C2CD3: variants seen among roughly 807,000 people sequenced by gnomAD.
C2CD3 encodes C2 domain-containing protein 3.
Under a neutral mutation model 234.0 loss-of-function variants are expected in C2CD3, and 148 were observed. The ratio of observed to expected loss-of-function variants is 0.63; its 90% CI spans 0.55 to 0.72. The LOEUF is 0.72. Among genes scored for constraint, C2CD3 ranks in the 30% least tolerant of loss-of-function variants. C2CD3 has a pLI of 0.00. For synonymous variants in C2CD3, 1,000 were observed against 1,035.4 expected, an observed-to-expected ratio of 0.97 and a Z score of 0.66; for missense variants, 2,577 against 2,811.5, an observed-to-expected ratio of 0.92 and a Z score of 1.89.
intron 16 of C2CD3, among the ~76,000 whole-genome samples, chr11:74,097,321 A>G (rs914790621): frequency 1.3e-5 from 2 of 152,196 alleles, no homozygotes; most frequent in Non-Finnish European, 2.9e-5. Context: ...AATGGTATGG[A>G]TACTGAGATT....
chr11:74,148,537 T>C (rs924332012), intron 3 of C2CD3, among the ~76,000 whole-genome samples: 1 of 152,110 alleles, frequency 6.6e-6, no homozygotes, highest in African/African-American at 2.4e-5. Context: ...TTTTCAAAAG[T>C]CTGAATATAT....
intron 5 of C2CD3, among the ~76,000 whole-genome samples, chr11:74,134,239 GT>G (rs1957783240): frequency 6.6e-6 from 1 of 152,208 alleles, no homozygotes; most frequent in Admixed American, 6.5e-5. Flanking sequence ...ACTTGACCAA[GT>G]TGTACACGCA....
At chr11:74,168,290 T>C (rs1565365575) in intron 2 of C2CD3, 54 bp downstream of exon 2, 3 of 1,441,162 alleles carry the variant, frequency 2.1e-6, no homozygotes, top group East Asian at 2.3e-5. Flanking sequence ...GCTGACAATA[T>C]AACCACATGC....
chr11:74,116,277 A>G (rs1295429366), intron 9 of C2CD3, among the ~76,000 whole-genome samples: 1 of 152,192 alleles, frequency 6.6e-6, no homozygotes, highest in African/African-American at 2.4e-5. Flanking sequence ...CAAATTAGCA[A>G]GAAAAAATCA....
At chr11:74,032,469 A>G (rs948406702) in intron 31 of C2CD3, among the ~76,000 whole-genome samples, 2 of 149,118 alleles carry the variant, frequency 1.3e-5, no homozygotes, top group Non-Finnish European at 1.5e-5. Flanking sequence ...AAAAGGAAGG[A>G]GTGGGGAATG....
At chr11:74,148,967 G>A (rs766614866) in intron 3 of C2CD3, among the ~76,000 whole-genome samples, 11 of 152,020 alleles carry the variant, frequency 7.2e-5, no homozygotes, top group South Asian at 2.1e-4. Context: ...CAAACAGTTC[G>A]ATAATTTTGT....
intron 29 of C2CD3, among the ~76,000 whole-genome samples, chr11:74,040,987 C>T (rs1397148482): frequency 1.1e-4 from 15 of 141,262 alleles, no homozygotes. Flanking sequence ...TTTTTTGGTG[C>T]TATAACAGAT....
chr11:74,036,585 G>A (rs1952754177), intron 30 of C2CD3: 1 of 445,304 alleles, frequency 2.2e-6, no homozygotes, highest in African/African-American at 2.0e-5. Context: ...TCCCTGTGTA[G>A]AATCTACACA....
intron 5 of C2CD3, among the ~76,000 whole-genome samples, chr11:74,134,886 G>A (rs1957807599): frequency 6.6e-6 from 1 of 151,960 alleles, no homozygotes; most frequent in Non-Finnish European, 1.5e-5. Flanking sequence ...CACCATGCCT[G>A]GCTTATTTTT....
chr11:74,051,257 T>C (rs935194593), intron 26 of C2CD3, among the ~76,000 whole-genome samples: 2 of 150,672 alleles, frequency 1.3e-5, no homozygotes, highest in East Asian at 3.9e-4. Context: ...ATCCTACCAC[T>C]GCACTCCGGC....
rs1957259260 is a variant in C2CD3 at position 74,122,731 on chromosome 11, A to G, written c.1365+257T>C. ...CCATAAAATATATTAATTAAACCAT[A>G]GGCTTTGGACTCAGGCAAATGTGAA... On this transcript the variant is annotated intron_variant, in intron 8 of 32. Transcript: ENST00000334126. 1.3e-5 allele frequency among the ~76,000 whole-genome samples: 2 copies of G among 152,232 alleles called. 1 individual carries two copies. The highest frequency in any genetic ancestry group is 4.1e-4 in the South Asian group (2 of 4,838).
rs1418188121 is a variant in C2CD3, at chr11:74,090,938, T to A, written c.3518-2A>T. On this transcript the variant is annotated splice_acceptor_variant, in intron 19 of 32. Coordinates refer to ENST00000334126, the MANE Select transcript of C2CD3 (RefSeq NM_001286577.2). LOFTEE classifies it high-confidence loss of function. Reference sequence around the variant, plus strand: ...ACCTTAGGCCCACATCCAGTAAACCTGAAGAATGAGGACACAAGGAAAGAA... The same window carrying A: ...ACCTTAGGCCCACATCCAGTAAACCAGAAGAATGAGGACACAAGGAAAGAA... The A allele has an allele frequency of 6.2e-7, 1 of 1,613,350 alleles. No individual in the cohort carries two copies. Among genetic ancestry groups the A allele is most frequent in the African/African-American group, 1.3e-5 (1 of 74,884 alleles).
chr11:74,026,468 G>A (rs1469944023), intron 32 of C2CD3, among the ~76,000 whole-genome samples: 1 of 152,184 alleles, frequency 6.6e-6, no homozygotes, highest in East Asian at 1.9e-4. Context: ...CTTTAGGATT[G>A]TATCCCAGGA....
chr11:74,064,125 C>G (rs1446404736), intron 24 of C2CD3, among the ~76,000 whole-genome samples: 1 of 151,690 alleles, frequency 6.6e-6, no homozygotes, highest in East Asian at 1.9e-4. Context: ...TCAATTCCCA[C>G]CTATAAGTGA....
At chr11:74,016,165 G>T (rs1951873836) in intron 32 of C2CD3, among the ~76,000 whole-genome samples, 2 of 152,222 alleles carry the variant, frequency 1.3e-5, no homozygotes, top group Non-Finnish European at 2.9e-5. Flanking sequence ...ACAACAGGCA[G>T]ACGTGGTTCC....
Position 74,037,701 on chromosome 11 carries a change from A to G in C2CD3, c.5661-3T>C. On this transcript the variant is annotated splice_region_variant and splice_polypyrimidine_tract_variant and intron_variant, in intron 29 of 32. Coordinates refer to ENST00000334126, the MANE Select transcript of C2CD3 (RefSeq NM_001286577.2). Reference sequence around the variant, plus strand: ...GATCAAGCTCACTCAGATTCTTCCTATAAACAAAAGGGGGAGAAGAAGACA... The same window carrying G: ...GATCAAGCTCACTCAGATTCTTCCTGTAAACAAAAGGGGGAGAAGAAGACA... 6.2e-7 allele frequency: 1 copy of G among 1,609,608 alleles called. No homozygotes were observed. Among genetic ancestry groups the G allele is most frequent in the Non-Finnish European group, 8.5e-7 (1 of 1,176,824 alleles).
At chr11:74,124,547 A>T (rs1322700684) in intron 7 of C2CD3, among the ~76,000 whole-genome samples, 1 of 152,022 alleles carries the variant, frequency 6.6e-6, no homozygotes, top group Non-Finnish European at 1.5e-5. Context: ...GACACTGTAA[A>T]TGTCTCATGG....
chr11:74,154,533 A>G (rs901118296), intron 3 of C2CD3, among the ~76,000 whole-genome samples: 2 of 152,224 alleles, frequency 1.3e-5, no homozygotes, highest in Non-Finnish European at 2.9e-5. Context: ...ACTAAAAAAG[A>G]TAAGCTTATT....
At chr11:74,106,602 A>G (rs1033081828) in intron 12 of C2CD3, 109 bp from the exon 13 acceptor site, 1 of 1,046,250 alleles carries the variant, frequency 9.6e-7, no homozygotes, top group Non-Finnish European at 1.4e-6. Flanking sequence ...TTCAGGAAGA[A>G]AAAAGCTTAA....
Sources: allele counts gnomAD v4.1 joint callset (sites outside exome capture counted in the v4.1 genomes callset), GRCh38; gene constraint gnomAD v4.1.1; transcripts MANE v1.5; gene names NCBI Gene and HGNC (gene_info 2026-07-23, HGNC 2026-07-21).